Variants in RORA observed in about 807,000 individuals in gnomAD.
The protein encoded by RORA is RAR related orphan receptor A.
Under a neutral mutation model 69.5 loss-of-function variants are expected in RORA, and 7 were observed. The ratio of observed to expected loss-of-function variants is 0.10; its 90% CI spans 0.06 to 0.19. The LOEUF (loss-of-function observed/expected upper bound fraction) is 0.19, where lower values mean the gene tolerates loss of function less well. Among genes scored for constraint, RORA ranks in the 10% least tolerant of loss-of-function variants. RORA has a pLI of 1.00. For synonymous variants in RORA, 261 were observed against 240.8 expected (o/e 1.08, Z -0.78); for missense variants, 457 against 663.0 (o/e 0.69, Z 3.41).
intron 1 of RORA, among the ~76,000 whole-genome samples, chr15:60,700,414 A>T (rs1413566782): frequency 1.3e-5 from 2 of 152,172 alleles, no homozygotes; most frequent in African/African-American, 4.8e-5. Context: ...AAGCAGAGCC[A>T]ATGTGATGAT....
intron 1 of RORA, among the ~76,000 whole-genome samples, chr15:61,142,552 A>AC (rs36049855): frequency 0.66 from 99,927 of 151,448 alleles, 34,283 homozygotes; most frequent in Non-Finnish European, 0.77. Flanking sequence ...GACAAAAATA[A>AC]CCAGAAAGAA....
chr15:60,529,203 T>G (rs1156699153), intron 3 of RORA: 1 of 152,234 alleles, frequency 6.6e-6, no homozygotes, highest in African/African-American at 2.4e-5. Context: ...TCTTCTCTCA[T>G]TAGATATCTA....
At chr15:61,075,486 T>C (rs2078435594) in intron 1 of RORA, among the ~76,000 whole-genome samples, 1 of 152,190 alleles carries the variant, frequency 6.6e-6, no homozygotes, top group Admixed American at 6.5e-5. Flanking sequence ...CCCATTAGTC[T>C]GTGCTTCTCA....
intron 1 of RORA, among the ~76,000 whole-genome samples, chr15:61,174,862 A>G (rs1484235456): frequency 2.0e-5 from 3 of 152,184 alleles, no homozygotes; most frequent in African/African-American, 7.2e-5. Context: ...ATGGCTCTCT[A>G]AGGTGGTATT....
chr15:60,961,720 G>A lies in RORA; in HGVS notation c.166+267333C>T, dbSNP rs563750184. On this transcript the variant is annotated intron_variant, in intron 1 of 10. Coordinates refer to ENST00000335670, the MANE Select transcript of RORA (RefSeq NM_134261.3). ...ACCGATATATGTTGTCGACCTGGCCGGCCTCCAGGAGCACTGAGAACCGCC... is the reference window on the plus strand; with the variant it reads ...ACCGATATATGTTGTCGACCTGGCCAGCCTCCAGGAGCACTGAGAACCGCC... 2.9e-4 allele frequency among the ~76,000 whole-genome samples: 44 copies of A among 152,290 alleles called. 1 individual carries two copies. In the South Asian group the frequency reaches 8.9e-3, roughly 31 times the overall value.
rs568663146 is a variant in RORA, at chr15:60,817,269, G to A, written c.167-138583C>T. ...AATTTTTTTGGTTTCTCAGTGCATC[G>A]AAAAGTTATGTTTAGACTATACTGC... On this transcript the variant is annotated intron_variant, in intron 1 of 10. Coordinates refer to ENST00000335670, the MANE Select transcript of RORA (RefSeq NM_134261.3). Among the ~76,000 whole-genome samples, 11 of 152,250 alleles carry A rather than the reference G, an allele frequency of 7.2e-5. No homozygotes were observed. The South Asian group carries it at 1.0e-3, about 14-fold the overall frequency.
At chr15:60,820,785 C>CT (rs1032411557) in intron 1 of RORA, among the ~76,000 whole-genome samples, 63 of 152,330 alleles carry the variant, frequency 4.1e-4, no homozygotes, top group African/African-American at 1.5e-3. Context: ...TTTTTCATTA[C>CT]TGAGGTTCCC....
chr15:61,024,484 T>C (rs1159843137), intron 1 of RORA, among the ~76,000 whole-genome samples: 1 of 148,542 alleles, frequency 6.7e-6, no homozygotes, highest in Non-Finnish European at 1.5e-5. Flanking sequence ...AGTCTCCCTC[T>C]GTCACCCAGG....
In RORA at chr15:60,924,039, C is replaced by G. The variant is rs976250811; in HGVS notation, c.167-245353G>C. ...TGGCAGAGGTGGGTCCAGAAAGGGC[C>G]AGCCCACTGAAAACTTCCCAAGTGG... On this transcript the variant is annotated intron_variant, in intron 1 of 10. Transcript: ENST00000335670. Among the ~76,000 whole-genome samples, 11 of 152,302 alleles carry G rather than the reference C, an allele frequency of 7.2e-5. No homozygotes were observed. The South Asian group carries it at 1.9e-3, about 26-fold the overall frequency.
At position 60,778,153 on chromosome 15, in the gene RORA, A is replaced by T. The variant is rs150331667; in HGVS notation, c.167-99467T>A. Among the ~76,000 whole-genome samples, 28 of 152,358 alleles carry T rather than the reference A, an allele frequency of 1.8e-4. No individual in the cohort carries two copies. In the East Asian group the frequency reaches 4.6e-3, roughly 25 times the overall value. On this transcript the variant is annotated intron_variant, in intron 1 of 10. Transcript: ENST00000335670. ...AGCAAGAAACAATTATCCAATGCTC[A>T]GTGCTGAGGGATCAATGTGCTTCAT...
chr15:61,088,245 C>A (rs978962067), intron 1 of RORA, among the ~76,000 whole-genome samples: 1 of 152,124 alleles, frequency 6.6e-6, no homozygotes, highest in African/African-American at 2.4e-5. Context: ...GAAGTCTGCT[C>A]GCAGGAGAGG....
chr15:61,135,152 A>T (rs1458583181), intron 1 of RORA, among the ~76,000 whole-genome samples: 53 of 150,484 alleles, frequency 3.5e-4, no homozygotes, highest in African/African-American at 1.2e-3. Flanking sequence ...TTACTAAAAA[A>T]AAAAAAAAAA....
chr15:60,512,692 A>G (rs2065742044), intron 4 of RORA, among the ~76,000 whole-genome samples: 1 of 152,258 alleles, frequency 6.6e-6, no homozygotes, highest in Non-Finnish European at 1.5e-5. Context: ...TAAGATCCTT[A>G]TAATGTATGA....
intron 1 of RORA, among the ~76,000 whole-genome samples, chr15:60,899,491 A>C (rs757272311): frequency 6.6e-6 from 1 of 152,238 alleles, no homozygotes; most frequent in Non-Finnish European, 1.5e-5. Context: ...ATAAAAGGTA[A>C]GTGACCCAGA....
intron 1 of RORA, among the ~76,000 whole-genome samples, chr15:60,961,529 T>G (rs1893413696): frequency 6.6e-6 from 1 of 152,222 alleles, no homozygotes; most frequent in Non-Finnish European, 1.5e-5. Context: ...GTAACCACAC[T>G]TGTGTTGCCA....
intron 2 of RORA, among the ~76,000 whole-genome samples, chr15:60,591,809 G>A (rs2068523551): frequency 6.6e-6 from 1 of 152,046 alleles, no homozygotes; most frequent in Admixed American, 6.5e-5. Flanking sequence ...ACACAGCGCG[G>A]GACACAGCGC....
At chr15:60,510,509 C>A (rs1216638048) in intron 5 of RORA, 1 of 152,144 alleles carries the variant, frequency 6.6e-6, no homozygotes, top group East Asian at 1.9e-4. Flanking sequence ...ATTTTGTCAC[C>A]AATATCCATC....
intron 1 of RORA, among the ~76,000 whole-genome samples, chr15:60,726,349 GC>G (rs1012996558): frequency 9.2e-5 from 14 of 152,178 alleles, no homozygotes; most frequent in African/African-American, 3.1e-4. Flanking sequence ...GGAAATGTCT[GC>G]GTTCTTTGTT....
At chr15:60,821,418 G>C (rs2072892333) in intron 1 of RORA, among the ~76,000 whole-genome samples, 1 of 152,156 alleles carries the variant, frequency 6.6e-6, no homozygotes, top group African/African-American at 2.4e-5. Flanking sequence ...TCCTCCAGAA[G>C]GTAGGGCTCG....
Sources: allele counts gnomAD v4.1 joint callset (sites outside exome capture counted in the v4.1 genomes callset), GRCh38; gene constraint gnomAD v4.1.1; transcripts MANE v1.5; gene names NCBI Gene and HGNC (gene_info 2026-07-23, HGNC 2026-07-21).